MDGA2: variants seen among roughly 807,000 people sequenced by gnomAD.
MDGA2 encodes the protein MAM domain-containing glycosylphosphatidylinositol anchor protein 2.
MDGA2 carries 40 observed loss-of-function variants against 117.8 expected under a neutral mutation model. The observed-to-expected ratio is 0.34, with a 90% confidence interval of 0.26 to 0.44. MDGA2 has a LOEUF of 0.44. MDGA2 is among the 20% of genes least tolerant of loss of function. The pLI, the probability that MDGA2 is intolerant of heterozygous loss-of-function variation, is 1.00. For missense variants in MDGA2, 1,123 were observed against 1,250.6 expected (o/e 0.90, Z 1.54); for synonymous variants, 452 against 439.0 (o/e 1.03, Z -0.37).
At chr14:47,452,670 T>G (rs995821036) in intron 1 of MDGA2, among the ~76,000 whole-genome samples, 21 of 152,076 alleles carry the variant, frequency 1.4e-4, no homozygotes, top group African/African-American at 5.1e-4. Context: ...AAAACAGAAC[T>G]GTTGCTCCTT....
intron 1 of MDGA2, among the ~76,000 whole-genome samples, chr14:47,621,841 G>C (rs748206267): frequency 6.6e-6 from 1 of 152,166 alleles, no homozygotes; most frequent in South Asian, 2.1e-4. Flanking sequence ...AACATACGTT[G>C]TAAGCGAAAA....
chr14:47,210,434 T>C (rs1885840165), intron 3 of MDGA2, among the ~76,000 whole-genome samples: 1 of 152,178 alleles, frequency 6.6e-6, no homozygotes. Flanking sequence ...ATGGCCTCTA[T>C]TACCCTATGA....
intron 1 of MDGA2, among the ~76,000 whole-genome samples, chr14:47,348,129 A>G (rs528538117): frequency 7.1e-6 from 1 of 141,826 alleles, no homozygotes; most frequent in Non-Finnish European, 1.5e-5. Context: ...AAATAATTGT[A>G]TTGTGCTCTG....
At chr14:47,427,714 T>A (rs1892719758) in intron 1 of MDGA2, among the ~76,000 whole-genome samples, 1 of 152,100 alleles carries the variant, frequency 6.6e-6, no homozygotes, top group Non-Finnish European at 1.5e-5. Flanking sequence ...GCCAGATACT[T>A]CCTCAAGTGG....
At chr14:47,038,886 G>C (rs1198275993) in intron 7 of MDGA2, among the ~76,000 whole-genome samples, 1 of 151,300 alleles carries the variant, frequency 6.6e-6, no homozygotes, top group African/African-American at 2.4e-5. Flanking sequence ...GGAGGTGGAG[G>C]CTGCAGTGAG....
intron 8 of MDGA2, among the ~76,000 whole-genome samples, chr14:47,005,908 T>G (rs1887692916): frequency 6.6e-6 from 1 of 151,606 alleles, no homozygotes; most frequent in Non-Finnish European, 1.5e-5. Flanking sequence ...TAAAATTTTT[T>G]TAAAAATTAA....
At chr14:47,673,890 C>G (rs1162822855) in intron 1 of MDGA2, among the ~76,000 whole-genome samples, 3 of 151,970 alleles carry the variant, frequency 2.0e-5, no homozygotes, top group Admixed American at 2.0e-4. Flanking sequence ...TCCGTTCATT[C>G]ATGCACTTGC....
intron 1 of MDGA2, among the ~76,000 whole-genome samples, chr14:47,566,085 G>A (rs1377064213): frequency 2.0e-5 from 3 of 152,222 alleles, no homozygotes; most frequent in East Asian, 3.9e-4. Flanking sequence ...GGCAAGGTTT[G>A]CCTGCACATA....
chr14:47,661,730 G>A (rs984114387), intron 1 of MDGA2, among the ~76,000 whole-genome samples: 5 of 146,772 alleles, frequency 3.4e-5, no homozygotes, highest in African/African-American at 7.5e-5. Flanking sequence ...TGCAAAAAAC[G>A]AAGTAATCAG....
At chr14:47,541,560 T>C (rs1895352896) in intron 1 of MDGA2, among the ~76,000 whole-genome samples, 1 of 152,182 alleles carries the variant, frequency 6.6e-6, no homozygotes, top group Non-Finnish European at 1.5e-5. Context: ...TTTTTCCTCT[T>C]TACATTCTCT....
In MDGA2 at chr14:47,491,930, A is replaced by C. The variant is rs1594884542; in HGVS notation, c.280+182587T>G. Among the ~76,000 whole-genome samples the C allele has an allele frequency of 2.6e-5, 4 of 152,138 alleles. No individual in the cohort carries two copies. The East Asian group carries it at 7.7e-4, about 29-fold the overall frequency. On this transcript the variant is annotated intron_variant, in intron 1 of 16. Coordinates refer to ENST00000399232, the MANE Select transcript of MDGA2 (RefSeq NM_001113498.3). The stretch of plus-strand genomic sequence containing the variant: ...GGGTAGTGTTTTCATACATCCTGGT[A>C]ATACACACTTTTCATTCTATAATTA...
At chr14:47,392,344 A>G (rs1018559812) in intron 1 of MDGA2, among the ~76,000 whole-genome samples, 1 of 152,154 alleles carries the variant, frequency 6.6e-6, no homozygotes, top group Non-Finnish European at 1.5e-5. Flanking sequence ...GCCATAGTAC[A>G]TTGAAATAAA....
At chr14:47,500,952 T>C (rs1026202362) in intron 1 of MDGA2, among the ~76,000 whole-genome samples, 2 of 152,136 alleles carry the variant, frequency 1.3e-5, no homozygotes, top group Admixed American at 6.6e-5. Context: ...TAATAATAGA[T>C]CTAGGTAATG....
intron 8 of MDGA2, among the ~76,000 whole-genome samples, chr14:47,018,881 T>C (rs944001202): frequency 5.3e-5 from 8 of 151,644 alleles, no homozygotes; most frequent in Non-Finnish European, 7.4e-5. Flanking sequence ...CAGACACATA[T>C]GGCTGTCAGG....
intron 5 of MDGA2, among the ~76,000 whole-genome samples, chr14:47,105,277 A>G (rs1880589185): frequency 1.3e-5 from 2 of 151,776 alleles, no homozygotes; most frequent in Admixed American, 6.6e-5. Flanking sequence ...CTGTGCCCCA[A>G]TCCCTTATTT....
intron 1 of MDGA2, among the ~76,000 whole-genome samples, chr14:47,484,246 A>AT (rs1566479707): frequency 2.8e-4 from 43 of 151,362 alleles, no homozygotes; most frequent in Middle Eastern, 3.4e-3. Flanking sequence ...GAATTAAAAA[A>AT]ACACATATAT....
intron 2 of MDGA2, among the ~76,000 whole-genome samples, chr14:47,287,421 T>C (rs564142115): frequency 2.0e-5 from 3 of 152,230 alleles, no homozygotes; most frequent in Admixed American, 6.5e-5. Context: ...TATCAACAAA[T>C]AGTTGAAAAA....
At chr14:47,322,784 G>T (rs578100760) in intron 1 of MDGA2, among the ~76,000 whole-genome samples, 1 of 152,194 alleles carries the variant, frequency 6.6e-6, no homozygotes, top group South Asian at 2.1e-4. Flanking sequence ...TTATTTATCT[G>T]AAGTCTGAAT....
chr14:47,353,326 G>T (rs1890923928), intron 1 of MDGA2, among the ~76,000 whole-genome samples: 2 of 152,162 alleles, frequency 1.3e-5, no homozygotes, highest in African/African-American at 4.8e-5. Context: ...TTGCTTGAAT[G>T]AGCTCAATTA....
Sources: allele counts gnomAD v4.1 joint callset (sites outside exome capture counted in the v4.1 genomes callset), GRCh38; gene constraint gnomAD v4.1.1; transcripts MANE v1.5; gene names NCBI Gene and HGNC (gene_info 2026-07-23, HGNC 2026-07-21).